The following MBTPS1 variants were observed in gnomAD, a reference collection of about 807,000 sequenced individuals.
The protein encoded by MBTPS1 is membrane bound transcription factor peptidase, site 1.
In MBTPS1, 94 loss-of-function variants were observed where a neutral mutation model predicts 127.8. The observed-to-expected ratio is 0.74, with a 90% confidence interval of 0.62 to 0.87. The LOEUF (loss-of-function observed/expected upper bound fraction) is 0.87. Among genes scored for constraint, MBTPS1 ranks in the 40% least tolerant of loss-of-function variants. The pLI, the probability that MBTPS1 is intolerant of heterozygous loss-of-function variation, is 0.00. For synonymous variants in MBTPS1, 632 were observed against 509.4 expected (o/e 1.24, Z -3.24); for missense variants, 1,636 against 1,353.2 (o/e 1.21, Z -3.28).
At chr16:84,098,327 C>T (rs1026864781) in intron 3 of MBTPS1, among the ~76,000 whole-genome samples, 2 of 152,116 alleles carry the variant, frequency 1.3e-5, no homozygotes, top group Non-Finnish European at 2.9e-5. Context: ...CTTTAAAAAT[C>T]GGGCTGGGTG....
rs1336654144 is a variant in MBTPS1 at position 84,054,297 on chromosome 16, C to A, written c.*152G>T. 2 of 558,692 alleles carry A rather than the reference C, an allele frequency of 3.6e-6. No individual in the cohort carries two copies. The highest frequency in any genetic ancestry group is 5.9e-6 in the Non-Finnish European group (2 of 340,394). The allele number at this position is 558,692 out of a possible 1,614,324, so 34.6% of individuals were successfully genotyped here. A position where few individuals can be genotyped will look rare whatever the true frequency, so the allele number is the denominator to read the frequency against. The stretch of plus-strand genomic sequence containing the variant: ...CGATGTACCAGGAGCCTCTGCCCAT[C>A]ACAGGAGGGCAGGCCCATGTAGAAC... On this transcript the variant is annotated 3_prime_UTR_variant, in exon 23 of 23. Transcript: ENST00000343411.
At chr16:84,115,138 A>G (rs1296993887) in intron 1 of MBTPS1, among the ~76,000 whole-genome samples, 1 of 152,088 alleles carries the variant, frequency 6.6e-6, no homozygotes, top group African/African-American at 2.4e-5. Context: ...CACGTTGGCC[A>G]GGCTGGTCTT....
intron 3 of MBTPS1, among the ~76,000 whole-genome samples, chr16:84,098,246 G>A (rs1026086183): frequency 6.6e-6 from 1 of 152,174 alleles, no homozygotes; most frequent in Non-Finnish European, 1.5e-5. Flanking sequence ...GCTGATGCAT[G>A]ACCATTCCTG....
At chr16:84,068,573 A>G (rs2085724979) in intron 14 of MBTPS1, 119 bp from the exon 15 acceptor site, 1 of 696,844 alleles carries the variant, frequency 1.4e-6, no homozygotes, top group Non-Finnish European at 2.5e-6. Context: ...GAAGGCCTGG[A>G]TGGCTGGCCC....
At chr16:84,070,442 C>T (rs1275073049) in intron 13 of MBTPS1, 146 bp downstream of exon 13, 1 of 775,146 alleles carries the variant, frequency 1.3e-6, no homozygotes, top group African/African-American at 1.8e-5. Flanking sequence ...GCTCCGGAGG[C>T]CCTGGAACCA....
At chr16:84,057,777 C>T (rs1461784529) in intron 21 of MBTPS1, 1 of 152,228 alleles carries the variant, frequency 6.6e-6, no homozygotes, top group African/African-American at 2.4e-5. Flanking sequence ...GAAGGAATTA[C>T]TGAGTGATTG....
At chr16:84,106,101 C>G (rs1468276472) in intron 1 of MBTPS1, among the ~76,000 whole-genome samples, 1 of 152,086 alleles carries the variant, frequency 6.6e-6, no homozygotes, top group Admixed American at 6.6e-5. Flanking sequence ...TCGAGACCAT[C>G]CTGGCCAAAA....
In MBTPS1 at chr16:84,067,703, A is replaced by G. The variant is rs747875157; in HGVS notation, c.2192T>C (p.Val731Ala). 6.2e-7 allele frequency: 1 copy of G among 1,613,902 alleles called. No homozygotes were observed. The highest frequency in any genetic ancestry group is 2.2e-5 in the East Asian group (1 of 44,882). The change falls in exon 16 of 23, where the codon GTT becomes GCT. Residue 731 changes from valine to alanine, a missense_variant. By Grantham distance (64) the Val-to-Ala change is moderately conservative. Transcript: ENST00000343411. ...VIFSDWYNTS[V>A]MRKVKFYDEN... is the part of the protein sequence containing the mutation. ...ATCATAAAACTTCACTTTTCTCATA[A>G]CAGAAGTGTTGTACCAGTCACTGAA...
At chr16:84,073,220 G>A (rs1248124304) in intron 12 of MBTPS1, among the ~76,000 whole-genome samples, 1 of 152,026 alleles carries the variant, frequency 6.6e-6, no homozygotes, top group Non-Finnish European at 1.5e-5. Flanking sequence ...TGCAACCTCC[G>A]CCTCCCAGGT....
At chr16:84,070,072 C>A (rs1228160080) in intron 13 of MBTPS1, 34 bp from the exon 14 acceptor site, 1 of 1,532,320 alleles carries the variant, frequency 6.5e-7, no homozygotes, top group Non-Finnish European at 8.8e-7. Flanking sequence ...GAAACGCCCT[C>A]ATTGTGCAGA....
chr16:84,055,028 G>A (rs575847473), intron 22 of MBTPS1, among the ~76,000 whole-genome samples: 22 of 152,336 alleles, frequency 1.4e-4, no homozygotes, highest in African/African-American at 4.8e-4. Flanking sequence ...AGAAGGAGGG[G>A]CCTGTGGTTC....
chr16:84,076,774 T>C (rs1567483664), intron 11 of MBTPS1, among the ~76,000 whole-genome samples: 1 of 152,202 alleles, frequency 6.6e-6, no homozygotes, highest in Non-Finnish European at 1.5e-5. Context: ...AATGGAAACA[T>C]ATCCTTTGCT....
chr16:84,055,934 G>GT, intron 22 of MBTPS1, 71 bp downstream of exon 22: 3 of 1,536,734 alleles, frequency 2.0e-6, no homozygotes, highest in Non-Finnish European at 2.7e-6. Context: ...CGCCTCCTGG[G>GT]GAGGGAGGGA....
intron 12 of MBTPS1, among the ~76,000 whole-genome samples, chr16:84,074,224 ACAGGG>A (rs1424704229): frequency 2.6e-5 from 4 of 151,988 alleles, no homozygotes; most frequent in African/African-American, 4.8e-5. Context: ...GGTACCCTAG[ACAGGG>A]CTATTTCCTT....
intron 1 of MBTPS1, among the ~76,000 whole-genome samples, chr16:84,107,444 G>A (rs1264020959): frequency 1.3e-5 from 2 of 152,166 alleles, no homozygotes; most frequent in African/African-American, 2.4e-5. Context: ...TTTGGATCTC[G>A]TGGACTTGCT....
chr16:84,089,348 C>G (rs1250333829), intron 8 of MBTPS1, among the ~76,000 whole-genome samples: 1 of 152,240 alleles, frequency 6.6e-6, no homozygotes, highest in East Asian at 1.9e-4. Context: ...TGCTTTCACA[C>G]AATAACGCCT....
intron 19 of MBTPS1, 30 bp from the exon 20 acceptor site, chr16:84,060,843 T>A: frequency 3.3e-6 from 5 of 1,524,384 alleles, no homozygotes; most frequent in Admixed American, 2.2e-5. Context: ...GTTTAGGAAT[T>A]CCTTTTTTTT....
At chr16:84,115,840 T>C (rs1013710058) in intron 1 of MBTPS1, among the ~76,000 whole-genome samples, 2 of 151,904 alleles carry the variant, frequency 1.3e-5, no homozygotes, top group African/African-American at 2.4e-5. Flanking sequence ...AACCACTGAA[T>C]AGTACACTTA....
intron 1 of MBTPS1, among the ~76,000 whole-genome samples, chr16:84,115,685 C>A (rs2086464215): frequency 6.6e-6 from 1 of 152,138 alleles, no homozygotes; most frequent in Non-Finnish European, 1.5e-5. Flanking sequence ...AAAGGCAAAT[C>A]TAGAAAGACA....
Sources: gnomAD v4.1 joint callset for allele counts (sites outside exome capture counted in the v4.1 genomes callset) on GRCh38, gnomAD v4.1.1 for gene constraint, MANE v1.5 for transcripts, NCBI Gene and HGNC (gene_info 2026-07-23, HGNC 2026-07-21) for gene names.